Variants in GRIP2 observed in about 807,000 individuals in gnomAD.
GRIP2 encodes glutamate receptor-interacting protein 2.
A neutral mutation model predicts 108.3 loss-of-function variants in GRIP2; 58 were observed. The observed-to-expected ratio is 0.54, with a 90% CI of 0.43 to 0.67. The LOEUF (loss-of-function observed/expected upper bound fraction) is 0.67. GRIP2 is among the 30% of genes least tolerant of loss of function. The probability of loss-of-function intolerance (pLI) is 0.00; values close to 1 mark genes in which losing one functional copy is unlikely to be tolerated. For synonymous variants in GRIP2, 586 were observed against 598.2 expected (o/e 0.98, Z 0.30); for missense variants, 1,278 against 1,430.6 (o/e 0.89, Z 1.72).
At chr3:14,499,378 TC>T (rs1467090367) in intron 21 of GRIP2, among the ~76,000 whole-genome samples, 1 of 64,934 alleles carries the variant, frequency 1.5e-5, no homozygotes. Flanking sequence ...ACAAAACAAG[TC>T]GGCGAATCCA....
Position 14,534,397 on chromosome 3 carries a change from C to T in GRIP2, c.40+5872G>A, listed in dbSNP as rs575550550. On this transcript the variant is annotated intron_variant, in intron 1 of 23. Coordinates refer to ENST00000621039, the MANE Select transcript of GRIP2 (RefSeq NM_001080423.4). ...CCTCCTCAGAGAACATGCTTGCTCT[C>T]TCCCACTCTCTCTTTTTTGTTCCAG... Among the ~76,000 whole-genome samples the T allele has an allele frequency of 2.0e-5, 3 of 152,320 alleles. 1 individual carries two copies. The South Asian group carries it at 6.2e-4, about 32-fold the overall frequency.
intron 21 of GRIP2, among the ~76,000 whole-genome samples, chr3:14,501,887 T>C (rs1693776538): frequency 6.6e-6 from 1 of 151,756 alleles, no homozygotes; most frequent in Non-Finnish European, 1.5e-5. Flanking sequence ...AGAATACAAA[T>C]AAAATTTAAA....
chr3:14,519,420 A>T (rs1040510025), intron 9 of GRIP2, among the ~76,000 whole-genome samples: 2 of 152,168 alleles, frequency 1.3e-5, no homozygotes, highest in Non-Finnish European at 2.9e-5. Context: ...ATGTCTGTGC[A>T]TTAGAAGTCC....
At chr3:14,573,370 G>C in the GRIP2 span, 2 of 1,332,068 alleles carry the variant, frequency 1.5e-6, no homozygotes, top group African/African-American at 2.9e-5. Context: ...AGCTTCTCCA[G>C]GTCCCGCGGG....
the GRIP2 span, among the ~76,000 whole-genome samples, chr3:14,562,118 C>T: frequency 2.0e-5 from 3 of 152,186 alleles, no homozygotes; most frequent in African/African-American, 7.2e-5. Flanking sequence ...TACCGGAGTA[C>T]AGAAGTTGAT....
At chr3:14,586,927 A>T in the GRIP2 span, among the ~76,000 whole-genome samples, 1 of 152,222 alleles carries the variant, frequency 6.6e-6, no homozygotes, top group African/African-American at 2.4e-5. Context: ...AACAAAACAT[A>T]AAATAATGTG....
the GRIP2 span, among the ~76,000 whole-genome samples, chr3:14,585,695 G>C: frequency 1.3e-5 from 2 of 151,526 alleles, no homozygotes; most frequent in East Asian, 3.9e-4. Context: ...CCTTCAGGAG[G>C]AATATACACA....
rs950703655 is a variant in GRIP2 at position 14,493,586 on chromosome 3, G to A, written c.*79C>T. 120 of 1,429,984 alleles carry A rather than the reference G, an allele frequency of 8.4e-5. No individual in the cohort carries two copies. The highest frequency in any genetic ancestry group is 2.5e-4 in the Middle Eastern group (1 of 4,036). 88.6% of individuals were successfully genotyped at this position (1,429,984 alleles called of 1,614,324 possible). A position where few individuals can be genotyped will look rare whatever the true frequency, so the allele number is the denominator to read the frequency against. ...CCAACAGATGAATGAGTGGGTGGCC[G>A]CTTCTCCAGCCCAGCTACGTGTCTG... On this transcript the variant is annotated 3_prime_UTR_variant, in exon 24 of 24. Coordinates refer to ENST00000621039, the MANE Select transcript of GRIP2 (RefSeq NM_001080423.4).
At chr3:14,573,941 C>T in the GRIP2 span, 2 of 1,105,870 alleles carry the variant, frequency 1.8e-6, no homozygotes, top group South Asian at 1.3e-5. Flanking sequence ...CGTGCTCGCG[C>T]CCTGCGCGAA....
intron 9 of GRIP2, among the ~76,000 whole-genome samples, chr3:14,519,626 C>A (rs1397229465): frequency 6.6e-6 from 1 of 152,012 alleles, no homozygotes; most frequent in East Asian, 1.9e-4. Flanking sequence ...GCCCTCTGGA[C>A]CCCCAGACCA....
chr3:14,520,558 A>G, intron 7 of GRIP2, 21 bp from the exon 8 acceptor site: 1 of 1,613,214 alleles, frequency 6.2e-7, no homozygotes, highest in Non-Finnish European at 8.5e-7. Flanking sequence ...GGAGAAAAAA[A>G]GTTTGAAATG....
chr3:14,538,762 T>C (rs1223118314), intron 1 of GRIP2, among the ~76,000 whole-genome samples: 1 of 152,162 alleles, frequency 6.6e-6, no homozygotes, highest in Non-Finnish European at 1.5e-5. Context: ...GCTTAGGAGC[T>C]GAGCAGATTT....
chr3:14,573,121 A>G, the GRIP2 span: 1 of 1,433,872 alleles, frequency 7.0e-7, no homozygotes, highest in South Asian at 1.1e-5. Flanking sequence ...TTGTCGATCC[A>G]GGGCAGCAGC....
chr3:14,585,496 G>GC, the GRIP2 span, among the ~76,000 whole-genome samples: 1 of 152,202 alleles, frequency 6.6e-6, no homozygotes, highest in Non-Finnish European at 1.5e-5. Context: ...GGCCCATTAG[G>GC]CCCCCACTTC....
chr3:14,547,727 AGCCCTCTCTCT>A (rs1316230754), intron 1 of GRIP2, among the ~76,000 whole-genome samples: 1 of 152,198 alleles, frequency 6.6e-6, no homozygotes, highest in Admixed American at 6.5e-5. Flanking sequence ...ACTGTCCACC[AGCCCTCTCTCT>A]GCCTTCCTAA....
In GRIP2 at chr3:14,507,812, C is replaced by T; in HGVS notation, c.2079-112G>A. ...CACAAAGCAGAAGTCTGGCTGACCC[C>T]AGTTAAACCCAGCTGCCAAAAACAA... On this transcript the variant is annotated intron_variant, in intron 17 of 23. Transcript: ENST00000621039. The surrounding 1 kb of genome is among the most constrained non-coding windows in gnomAD (Gnocchi z 4.6). 4.1e-6 allele frequency: 5 copies of T among 1,214,016 alleles called. No individual in the cohort carries two copies. The highest frequency in any genetic ancestry group is 5.8e-6 in the Non-Finnish European group (5 of 860,052). 75.2% of individuals were successfully genotyped at this position (1,214,016 alleles called of 1,614,324 possible).
rs181453950 is a variant in GRIP2, at chr3:14,504,270, C to T, written c.2574-599G>A. On this transcript the variant is annotated intron_variant, in intron 20 of 23. Coordinates refer to ENST00000621039, the MANE Select transcript of GRIP2 (RefSeq NM_001080423.4). ...CACTTGCTAATTACAAAGGCCTCAA[C>T]GGTTACAAGGCATGCTGTGATTTAC... 1.6e-3 allele frequency among the ~76,000 whole-genome samples: 243 copies of T among 151,288 alleles called. 1 individual carries two copies. Among genetic ancestry groups the T allele is most frequent in the Non-Finnish European group, 1.4e-3 (93 of 67,896 alleles).
intron 12 of GRIP2, 102 bp from the exon 13 acceptor site, chr3:14,513,912 G>T (rs943906915): frequency 1.5e-6 from 2 of 1,366,684 alleles, no homozygotes; most frequent in African/African-American, 1.4e-5. Context: ...CACACCTCCT[G>T]GTCTGGGGTG....
intron 1 of GRIP2, among the ~76,000 whole-genome samples, chr3:14,529,206 G>A (rs4685179): frequency 0.41 from 62,519 of 150,940 alleles, 14,109 homozygotes; most frequent in South Asian, 0.58. Flanking sequence ...GTGAACCTGG[G>A]AGGCGGAGGT....
Sources: allele counts gnomAD v4.1 joint callset (sites outside exome capture counted in the v4.1 genomes callset), GRCh38; gene constraint gnomAD v4.1.1; non-coding constraint Gnocchi (gnomAD v3.1); transcripts MANE v1.5; gene names NCBI Gene and HGNC (gene_info 2026-07-23, HGNC 2026-07-21).